BCKDHB: variants seen among roughly 807,000 people sequenced by gnomAD.
BCKDHB encodes the protein 2-oxoisovalerate dehydrogenase subunit beta, mitochondrial.
BCKDHB carries 41 observed loss-of-function variants against 48.5 expected under a neutral mutation model. The ratio of observed to expected loss-of-function variants is 0.85; its 90% CI spans 0.66 to 1.10. The LOEUF is 1.10. Ranked by LOEUF, BCKDHB falls within the 50% of genes least tolerant of loss-of-function variation. The pLI, the probability that BCKDHB is intolerant of heterozygous loss-of-function variation, is 0.00. For synonymous variants in BCKDHB, 201 were observed against 174.8 expected (o/e 1.15, Z -1.18); for missense variants, 496 against 494.2 (o/e 1.00, Z -0.03).
the BCKDHB span, among the ~76,000 whole-genome samples, chr6:80,466,179 C>G: frequency 6.6e-6 from 1 of 152,058 alleles, no homozygotes; most frequent in Non-Finnish European, 1.5e-5. Flanking sequence ...AGAGAAGTTC[C>G]AGGAGGAAGT....
At chr6:80,228,382 A>G (rs79796693) in intron 8 of BCKDHB, among the ~76,000 whole-genome samples, 5,522 of 152,300 alleles carry the variant, frequency 0.036, 321 homozygotes, top group African/African-American at 0.12. Context: ...TGGTACTCAG[A>G]TAAGTGTGGG....
At chr6:80,215,608 G>T (rs1023488735) in intron 8 of BCKDHB, among the ~76,000 whole-genome samples, 3 of 152,162 alleles carry the variant, frequency 2.0e-5, no homozygotes, top group Non-Finnish European at 4.4e-5. Context: ...TAAAGAACTG[G>T]TAAATCCTCT....
the BCKDHB span, among the ~76,000 whole-genome samples, chr6:80,386,229 C>A: frequency 6.6e-6 from 1 of 151,682 alleles, no homozygotes; most frequent in African/African-American, 2.4e-5. Context: ...ATGGTGGGAA[C>A]TGCAGTCACT....
chr6:80,175,039 G>T (rs1030946396), intron 6 of BCKDHB, among the ~76,000 whole-genome samples: 1 of 152,160 alleles, frequency 6.6e-6, no homozygotes, highest in Admixed American at 6.6e-5. Flanking sequence ...TAATATAAAT[G>T]TCTAAGTTGG....
the BCKDHB span, among the ~76,000 whole-genome samples, chr6:80,352,281 A>T: frequency 6.6e-6 from 1 of 151,926 alleles, no homozygotes; most frequent in Non-Finnish European, 1.5e-5. Context: ...CTCAGCTGAA[A>T]GTTATTATTT....
At chr6:80,186,794 G>A (rs1457184143) in intron 6 of BCKDHB, among the ~76,000 whole-genome samples, 1 of 152,186 alleles carries the variant, frequency 6.6e-6, no homozygotes, top group Non-Finnish European at 1.5e-5. Context: ...GGCGCTTCCC[G>A]CTCCTTCTTC....
At chr6:80,203,345 C>T in intron 8 of BCKDHB, 133 bp downstream of exon 8, 1 of 702,240 alleles carries the variant, frequency 1.4e-6, no homozygotes. Flanking sequence ...TTTAAATTTG[C>T]AGCATGAAAG....
chr6:80,332,800 C>G (rs1168751581), intron 9 of BCKDHB, among the ~76,000 whole-genome samples: 1 of 151,190 alleles, frequency 6.6e-6, no homozygotes, highest in Admixed American at 6.6e-5. Flanking sequence ...GAATTCAAAA[C>G]CAGTTTTAGA....
the BCKDHB span, among the ~76,000 whole-genome samples, chr6:80,380,634 G>A: frequency 1.3e-5 from 2 of 151,784 alleles, no homozygotes; most frequent in Non-Finnish European, 2.9e-5. Flanking sequence ...ATAATCAACA[G>A]AATAATCAGA....
chr6:80,252,876 G>A (rs1287274225), intron 8 of BCKDHB, among the ~76,000 whole-genome samples: 1 of 152,090 alleles, frequency 6.6e-6, no homozygotes, highest in Non-Finnish European at 1.5e-5. Context: ...TGTTTGTAAA[G>A]TTCTGTATAG....
intron 9 of BCKDHB, among the ~76,000 whole-genome samples, chr6:80,339,095 A>G (rs1004331997): frequency 1.3e-5 from 2 of 152,190 alleles, no homozygotes. Flanking sequence ...ACACTGTGAC[A>G]AGGAGAATTA....
At chr6:80,166,267 G>A (rs1241077705) in intron 3 of BCKDHB, among the ~76,000 whole-genome samples, 1 of 152,068 alleles carries the variant, frequency 6.6e-6, no homozygotes, top group Non-Finnish European at 1.5e-5. Context: ...AAGATATTTT[G>A]TATAGTTTTT....
chr6:80,343,744 A>C lies in BCKDHB; in HGVS notation c.1119A>C (p.Pro373=). The change falls in exon 10 of 10, where the codon CCA becomes CCC. Residue 373 remains proline, a synonymous_variant. Transcript: ENST00000320393. ...YDTPFPHIFE[P]FYIPDKWKCY... is the part of the protein sequence containing the mutation. The stretch of plus-strand genomic sequence containing the variant: ...CACCATTTCCTCACATTTTTGAACC[A>C]TTCTACATCCCAGACAAATGGAAGT... 1 of 1,613,980 alleles carries C rather than the reference A, an allele frequency of 6.2e-7. No homozygotes were observed. Among genetic ancestry groups the C allele is most frequent in the Non-Finnish European group, 8.5e-7 (1 of 1,179,958 alleles).
chr6:80,411,240 C>T, the BCKDHB span, among the ~76,000 whole-genome samples: 664 of 152,260 alleles, frequency 4.4e-3, 9 homozygotes, highest in African/African-American at 0.015. Flanking sequence ...GAGGTCCACT[C>T]CAGATCCTGT....
chr6:80,433,028 C>T, the BCKDHB span, among the ~76,000 whole-genome samples: 9 of 152,184 alleles, frequency 5.9e-5, no homozygotes, highest in Non-Finnish European at 1.2e-4. Context: ...GTTCTTTCCT[C>T]TGGAAGCTTC....
chr6:80,400,147 A>G, the BCKDHB span, among the ~76,000 whole-genome samples: 26 of 152,112 alleles, frequency 1.7e-4, no homozygotes, highest in Non-Finnish European at 3.1e-4. Context: ...AACATAAGCA[A>G]TAAGATTCTG....
chr6:80,156,667 G>T (rs551699930), intron 3 of BCKDHB, among the ~76,000 whole-genome samples: 16 of 152,222 alleles, frequency 1.1e-4, no homozygotes, highest in African/African-American at 3.6e-4. Context: ...TTGGAACGAG[G>T]TCTGATTATC....
intron 8 of BCKDHB, among the ~76,000 whole-genome samples, chr6:80,269,933 T>C (rs1777664854): frequency 6.6e-6 from 1 of 152,120 alleles, no homozygotes; most frequent in Non-Finnish European, 1.5e-5. Context: ...TTTGCCTAGA[T>C]ATGTGAACAT....
chr6:80,354,330 C>CA, the BCKDHB span, among the ~76,000 whole-genome samples: 7 of 152,096 alleles, frequency 4.6e-5, no homozygotes, highest in African/African-American at 1.7e-4. Context: ...CGGGTTCAAA[C>CA]AATTCTCCTG....
Sources: allele counts gnomAD v4.1 joint callset (sites outside exome capture counted in the v4.1 genomes callset), GRCh38; gene constraint gnomAD v4.1.1; transcripts MANE v1.5; gene names NCBI Gene and HGNC (gene_info 2026-07-23, HGNC 2026-07-21).